Variants in APOBEC3G observed in about 807,000 individuals in gnomAD.
APOBEC3G encodes DNA dC->dU-editing enzyme APOBEC-3G.
Under a neutral mutation model 50.0 loss-of-function variants are expected in APOBEC3G, and 44 were observed. The ratio of observed to expected loss-of-function variants is 0.88; its 90% CI spans 0.69 to 1.13. The LOEUF (loss-of-function observed/expected upper bound fraction) is 1.13, where lower values mean the gene tolerates loss of function less well. Among genes scored for constraint, APOBEC3G ranks in the 50% most tolerant of loss-of-function variants. APOBEC3G has a pLI of 0.00. For synonymous variants in APOBEC3G, 156 were observed against 175.3 expected (o/e 0.89, Z 0.87); for missense variants, 469 against 492.0 (o/e 0.95, Z 0.44).
chr22:39,079,183 C>T (rs574152147), intron 2 of APOBEC3G, 98 bp downstream of exon 2: 7 of 1,438,674 alleles, frequency 4.9e-6, no homozygotes, highest in Non-Finnish European at 5.5e-6. Context: ...GCGGGCTATC[C>T]AGTGTGTCCT....
At chr22:39,078,820 G>T (rs1281680430) in intron 1 of APOBEC3G, 112 bp from the exon 2 acceptor site, 13 of 1,432,042 alleles carry the variant, frequency 9.1e-6, no homozygotes, top group African/African-American at 1.4e-5. Flanking sequence ...CAGGGGAGGG[G>T]AGGGATGGGG....
At chr22:39,078,887 C>T (rs778504846) in intron 1 of APOBEC3G, 45 bp from the exon 2 acceptor site, 1 of 1,609,974 alleles carries the variant, frequency 6.2e-7, no homozygotes, top group African/African-American at 1.3e-5. Flanking sequence ...GGAGGGCCCC[C>T]AGGAGTGCTC....
rs753322341 is a variant in APOBEC3G, at chr22:39,078,886, C to T, written c.18-46C>T. On this transcript the variant is annotated intron_variant, in intron 1 of 7. Transcript: ENST00000407997. ...TAGTGGACATCAGCCCGGAGGGCCC[C>T]CAGGAGTGCTCTCTACATTGGCTGG... The T allele has an allele frequency of 9.3e-6, 15 of 1,610,012 alleles. No individual in the cohort carries two copies. The South Asian group carries it at 1.4e-4, about 15-fold the overall frequency.
At position 39,081,173 on chromosome 22, in the gene APOBEC3G, C is replaced by G; in HGVS notation, c.412C>G (p.Leu138Val). The G allele has an allele frequency of 6.2e-7, 1 of 1,614,242 alleles. No individual in the cohort carries two copies. The highest frequency in any genetic ancestry group is 8.5e-7 in the Non-Finnish European group (1 of 1,180,050). Residue 138 changes from leucine to valine, a missense_variant, in exon 3 of 8, where the codon CTG becomes GTG. Coordinates refer to ENST00000407997, the MANE Select transcript of APOBEC3G (RefSeq NM_021822.4). ...AGATTACCAGGAGGCGCTTCGCAGC[C>G]TGTGTCAGAAAAGAGACGGTCCGCG... The part of the protein sequence containing the change: ...DPDYQEALRS[L>V]CQKRDGPRAT...
At position 39,081,480 on chromosome 22, in the gene APOBEC3G, A is replaced by C. The variant is rs745643693; in HGVS notation, c.476A>C (p.His159Pro). The C allele has an allele frequency of 1.2e-6, 2 of 1,613,902 alleles. No individual in the cohort carries two copies. Among genetic ancestry groups the C allele is most frequent in the Non-Finnish European group, 1.7e-6 (2 of 1,179,932 alleles). ...CTCTTCTTTTTCTTAGAATTTCAGCACTGTTGGAGCAAGTTCGTGTACAGC... is the reference window on the plus strand; with the variant it reads ...CTCTTCTTTTTCTTAGAATTTCAGCCCTGTTGGAGCAAGTTCGTGTACAGC... ...MKIMNYDEFQ[H>P]CWSKFVYSQR... Residue 159 changes from histidine (H) to proline (P), a missense_variant, in exon 4 of 8, where the codon CAC becomes CCC. Transcript: ENST00000407997.
In APOBEC3G at chr22:39,081,561, A is replaced by G. The variant is rs8177832; in HGVS notation, c.557A>G (p.His186Arg). ...CTGCCTAAATATTATATATTACTGC[A>G]CATCATGCTGGGGGAGATTCTCAGG... Reference protein sequence around the residue: ...NNLPKYYILLHIMLGEILRHS... With the variant: ...NNLPKYYILLRIMLGEILRHS... Residue 186 changes from histidine to arginine, a missense_variant, in exon 4 of 8, where the codon CAC becomes CGC. By Grantham distance (29) the His-to-Arg change is conservative (BLOSUM62 0). Coordinates refer to ENST00000407997, the MANE Select transcript of APOBEC3G (RefSeq NM_021822.4). 0.049 allele frequency: 78,772 copies of G among 1,613,634 alleles called. 6,421 individuals carry two copies. Among genetic ancestry groups the G allele is most frequent in the African/African-American group, 0.37 (28,004 of 74,924 alleles).
chr22:39,080,842 C>G, intron 2 of APOBEC3G, 91 bp from the exon 3 acceptor site: 2 of 1,173,898 alleles, frequency 1.7e-6, no homozygotes, highest in Admixed American at 4.9e-5. Context: ...ATCTCCTGGA[C>G]TCCTGTCCTG....
rs368035373 is a variant in APOBEC3G at position 39,086,564 on chromosome 22, A to T, written c.1021A>T (p.Ser341Cys). The T allele has an allele frequency of 6.3e-7, 1 of 1,597,612 alleles. No individual in the cohort carries two copies. Among genetic ancestry groups the T allele is most frequent in the East Asian group, 2.2e-5 (1 of 44,648 alleles). Residue 341 changes from serine (S) to cysteine (C), a missense_variant, in exon 6 of 8, where the codon AGT (serine) becomes TGT (cysteine). By Grantham distance (112) the Ser-to-Cys change is moderately radical. Coordinates refer to ENST00000407997, the MANE Select transcript of APOBEC3G (RefSeq NM_021822.4). ...GGCCAAAATTTCAATAATGACATAC[A>T]GTGGTGAGAATGGAAGCCTGGAGTA... ...AGAKISIMTY[S>C]EFKHCWDTFV...
upstream of APOBEC3G, chr22:39,077,014 T>A: frequency 2.4e-6 from 1 of 410,464 alleles, no homozygotes; most frequent in Non-Finnish European, 4.5e-6. Flanking sequence ...TGTGCTCTGC[T>A]GGCTCAGCCT....
At position 39,086,217 on chromosome 22, in the gene APOBEC3G, C is replaced by A. The variant is rs568914922; in HGVS notation, c.736-62C>A. On this transcript the variant is annotated intron_variant, in intron 5 of 7. Transcript: ENST00000407997. ...TACTTGTACACTCCAGCCTGGGCAA[C>A]AAGAGTGAAACTCTGTCTCAAAAAA... 9.9e-6 allele frequency: 15 copies of A among 1,509,528 alleles called. No individual in the cohort carries two copies. In the East Asian group the frequency reaches 3.4e-4, roughly 34 times the overall value. 93.5% of individuals were successfully genotyped at this position (1,509,528 alleles called of 1,614,324 possible).
rs761119246 is a variant in APOBEC3G, at chr22:39,079,064, C to A, written c.150C>A (p.Asp50Glu). ...KTKGPSRPPL[D>E]AKIFRGQVYS... ...AGGGTCCCTCAAGGCCCCCTTTGGA[C>A]GCAAAGATCTTTCGAGGCCAGGTAC... The change falls in exon 2 of 8, where the codon GAC becomes GAA. Residue 50 changes from aspartate (D) to glutamate (E), a missense_variant. Asp to Glu is a conservative substitution (Grantham distance 45). Transcript: ENST00000407997. 6.2e-7 allele frequency: 1 copy of A among 1,614,022 alleles called. No individual in the cohort carries two copies. Among genetic ancestry groups the A allele is most frequent in the African/African-American group, 1.3e-5 (1 of 74,926 alleles).
At chr22:39,086,179 C>T (rs901855447) in intron 5 of APOBEC3G, 100 bp from the exon 6 acceptor site, 7 of 1,351,482 alleles carry the variant, frequency 5.2e-6, no homozygotes, top group African/African-American at 1.5e-5. Flanking sequence ...TGGTGCATGC[C>T]TGTAATCCTA....
At chr22:39,080,899 C>G in intron 2 of APOBEC3G, 34 bp from the exon 3 acceptor site, 2 of 1,570,758 alleles carry the variant, frequency 1.3e-6, no homozygotes, top group Non-Finnish European at 1.7e-6. Context: ...TGCTCCCCCT[C>G]TCAGAGCTTG....
chr22:39,086,244 A>AG (rs1201753392), intron 5 of APOBEC3G, 35 bp from the exon 6 acceptor site: 2 of 1,530,990 alleles, frequency 1.3e-6, no homozygotes, highest in Non-Finnish European at 1.8e-6. Context: ...CTCAAAAAAA[A>AG]AAAAGATTAC....
At chr22:39,080,244 G>A in intron 2 of APOBEC3G, 1 of 787,006 alleles carries the variant, frequency 1.3e-6, no homozygotes, top group Non-Finnish European at 1.6e-6. Flanking sequence ...GGCTGAGGAT[G>A]TCTGGTGAAT....
At chr22:39,077,233 G>C, upstream of APOBEC3G, 1 of 1,501,352 alleles carries the variant, frequency 6.7e-7, no homozygotes, top group East Asian at 2.5e-5. Context: ...CAGGAAGCGG[G>C]AGGGGCCATG....
At chr22:39,084,124 A>C (rs1382812236) in intron 5 of APOBEC3G, among the ~76,000 whole-genome samples, 1 of 152,138 alleles carries the variant, frequency 6.6e-6, no homozygotes, top group Non-Finnish European at 1.5e-5. Flanking sequence ...TAACACCACT[A>C]GTCCAGAGTC....
chr22:39,078,565 G>C (rs1324646762), intron 1 of APOBEC3G: 1 of 184,762 alleles, frequency 5.4e-6, no homozygotes, highest in East Asian at 1.5e-4. Context: ...GCTCACCCCC[G>C]CGCAGCACTT....
chr22:39,078,815 G>A (rs1928287810), intron 1 of APOBEC3G, 117 bp from the exon 2 acceptor site: 1 of 1,412,658 alleles, frequency 7.1e-7, no homozygotes, highest in Non-Finnish European at 9.4e-7. Context: ...ATTCTCAGGG[G>A]AGGGGAGGGA....
Sources: gnomAD v4.1 joint callset for allele counts (sites outside exome capture counted in the v4.1 genomes callset) on GRCh38, gnomAD v4.1.1 for gene constraint, MANE v1.5 for transcripts, NCBI Gene and HGNC (gene_info 2026-07-23, HGNC 2026-07-21) for gene names.